DNAJC13: variants seen among roughly 807,000 people sequenced by gnomAD.
DNAJC13 encodes dnaJ homolog subfamily C member 13.
Under a neutral mutation model 290.5 loss-of-function variants are expected in DNAJC13, and 75 were observed. The ratio of observed to expected loss-of-function variants is 0.26; its 90% CI spans 0.21 to 0.31. The LOEUF is 0.31. DNAJC13 is among the 10% of genes least tolerant of loss of function. The pLI is 1.00. For synonymous variants in DNAJC13, 862 were observed against 892.0 expected (o/e 0.97, Z 0.60); for missense variants, 2,260 against 2,674.5 (o/e 0.85, Z 3.42).
At chr3:132,433,678 C>T (rs997044723) in intron 1 of DNAJC13, among the ~76,000 whole-genome samples, 1 of 152,206 alleles carries the variant, frequency 6.6e-6, no homozygotes, top group East Asian at 1.9e-4. Flanking sequence ...ACTTTTGGAA[C>T]TGGTTTGACT....
intron 51 of DNAJC13, 118 bp downstream of exon 51, chr3:132,523,831 T>A: frequency 2.0e-6 from 2 of 987,718 alleles, no homozygotes; most frequent in Non-Finnish European, 2.9e-6. Context: ...TCTTTCAATA[T>A]AGCAGCCACA....
intron 6 of DNAJC13, among the ~76,000 whole-genome samples, chr3:132,452,070 T>C (rs1056669014): frequency 6.6e-6 from 1 of 152,224 alleles, no homozygotes; most frequent in African/African-American, 2.4e-5. Context: ...ATTTGGAATG[T>C]TTAACATCTT....
chr3:132,462,650 T>G lies in DNAJC13; in HGVS notation c.1770+127T>G, dbSNP rs73215991. On this transcript the variant is annotated intron_variant, in intron 16 of 55. Coordinates refer to ENST00000260818, the MANE Select transcript of DNAJC13 (RefSeq NM_015268.4). Reference sequence around the variant, plus strand: ...TTTCTCTGGGTAAGAAAAGTAATTTTAAATCTTTATTATAAATTAGTTTTA... The same window carrying G: ...TTTCTCTGGGTAAGAAAAGTAATTTGAAATCTTTATTATAAATTAGTTTTA... 0.03 allele frequency: 17,599 copies of G among 593,862 alleles called. 637 individuals are homozygous for G. The highest frequency in any genetic ancestry group is 0.14 in the African/African-American group (7,100 of 51,826). The allele number at this position is 593,862 out of a possible 1,614,324, so 36.8% of individuals were successfully genotyped here. A position where few individuals can be genotyped will look rare whatever the true frequency, so the allele number is the denominator to read the frequency against.
intron 13 of DNAJC13, chr3:132,458,309 C>T (rs1325129323): frequency 1.3e-5 from 2 of 152,146 alleles, no homozygotes; most frequent in Admixed American, 6.5e-5. Context: ...CTTAGTCGTA[C>T]ATAAACATAA....
At position 132,509,819 on chromosome 3, in the gene DNAJC13, A is replaced by G. The variant is rs1446255140; in HGVS notation, c.5116-1248A>G. On this transcript the variant is annotated intron_variant, in intron 43 of 55. Transcript: ENST00000260818. ...TTAAGGTATGCACGTAGTTTTTTTT[A>G]GACATGATACTATTGTACACTTAAT... Among the ~76,000 whole-genome samples the G allele has an allele frequency of 2.4e-4, 37 of 152,200 alleles. 1 individual carries two copies. Among genetic ancestry groups the G allele is most frequent in the Non-Finnish European group, 2.9e-5 (2 of 68,024 alleles).
Position 132,494,202 on chromosome 3 carries a change from C to G in DNAJC13, c.3884C>G (p.Pro1295Arg), listed in dbSNP as rs1935157180. The change falls in exon 34 of 56, where the codon CCT becomes CGT. Residue 1295 changes from proline to arginine, a missense_variant. By Grantham distance (103) the Pro-to-Arg change is moderately radical. Transcript: ENST00000260818. ...AWKKEVEKKP[P>R]MMSIDDAYEV... Reference sequence around the variant, plus strand: ...AAGAAAGAAGTAGAAAAGAAGCCACCTATGATGTCAATAGATGATGCTTAT... The same window carrying G: ...AAGAAAGAAGTAGAAAAGAAGCCACGTATGATGTCAATAGATGATGCTTAT... 6.2e-6 allele frequency: 10 copies of G among 1,613,074 alleles called. No homozygotes were observed. Among genetic ancestry groups the G allele is most frequent in the Non-Finnish European group, 8.5e-6 (10 of 1,179,544 alleles).
In DNAJC13 at chr3:132,503,238, C is replaced by T. The variant is rs1478621186; in HGVS notation, c.4741C>T (p.Leu1581=). 1.9e-6 allele frequency: 3 copies of T among 1,613,890 alleles called. No individual in the cohort carries two copies. The South Asian group carries it at 3.3e-5, about 18-fold the overall frequency. The change falls in exon 41 of 56, where the codon CTG becomes TTG. Residue 1581 remains leucine (L), a synonymous_variant. Coordinates refer to ENST00000260818, the MANE Select transcript of DNAJC13 (RefSeq NM_015268.4). ...GGAGGTAGCAAACAGCCTTGCCAAA[C>T]TGAGTGTCCATGCTCTGAGTCGCCT... is the stretch of plus-strand genomic sequence containing the variant. The part of the protein sequence containing the change: ...QQEVANSLAK[L]SVHALSRLGG...
intron 1 of DNAJC13, among the ~76,000 whole-genome samples, chr3:132,426,507 T>C (rs564551038): frequency 2.0e-5 from 3 of 152,356 alleles, no homozygotes; most frequent in African/African-American, 4.8e-5. Context: ...ATACAGCTGC[T>C]ACCAAGATCT....
At chr3:132,435,880 G>A (rs1464459649) in intron 2 of DNAJC13, among the ~76,000 whole-genome samples, 1 of 152,126 alleles carries the variant, frequency 6.6e-6, no homozygotes, top group African/African-American at 2.4e-5. Context: ...TTGTGAGCTT[G>A]TAAGTAACTG....
Position 132,418,234 on chromosome 3 carries a change from G to A in DNAJC13, c.-14+474G>A, listed in dbSNP as rs1001010705. On this transcript the variant is annotated intron_variant, in intron 1 of 55. Transcript: ENST00000260818. ...TTTGTTTCGTTTTGTTAGGAAATGAGCATCCGCGTCGTCTGTTCTCCAGTA... is the reference window on the plus strand; with the variant it reads ...TTTGTTTCGTTTTGTTAGGAAATGAACATCCGCGTCGTCTGTTCTCCAGTA... Among the ~76,000 whole-genome samples the A allele has an allele frequency of 6.6e-5, 10 of 152,258 alleles. No homozygotes were observed. In the South Asian group the frequency reaches 1.5e-3, roughly 22 times the overall value.
At chr3:132,438,572 A>G (rs1272515241) in intron 2 of DNAJC13, among the ~76,000 whole-genome samples, 1 of 152,174 alleles carries the variant, frequency 6.6e-6, no homozygotes, top group Non-Finnish European at 1.5e-5. Context: ...TAGCCCCAGC[A>G]TTTCAGAAAG....
chr3:132,527,339 A>T (rs1029251966), intron 53 of DNAJC13, among the ~76,000 whole-genome samples: 5 of 152,222 alleles, frequency 3.3e-5, no homozygotes, highest in Admixed American at 2.0e-4. Context: ...GCCAGAATAC[A>T]AGGCCCTGCA....
chr3:132,461,183 G>A lies in DNAJC13; in HGVS notation c.1691G>A (p.Arg564Lys), dbSNP rs778470969. Reference sequence around the variant, plus strand: ...TTGGAGATGGTAGCATCCAATGGAAGAACCCTTTTTAAACTTTTTCAGGTG... The same window carrying A: ...TTGGAGATGGTAGCATCCAATGGAAAAACCCTTTTTAAACTTTTTCAGGTG... ...MLLEMVASNG[R>K]TLFKLFQHPS... The change falls in exon 15 of 56, where the codon AGA becomes AAA. Residue 564 changes from arginine (R) to lysine (K), a missense_variant. This residue lies in a region of DNAJC13 where 762 missense variants were observed against 964.1 expected (regional missense o/e 0.79). Transcript: ENST00000260818. The A allele has an allele frequency of 2.5e-6, 4 of 1,614,020 alleles. No individual in the cohort carries two copies. Among genetic ancestry groups the A allele is most frequent in the Non-Finnish European group, 1.7e-6 (2 of 1,179,936 alleles).
At position 132,496,559 on chromosome 3, in the gene DNAJC13, A is replaced by C. The variant is rs1935239544; in HGVS notation, c.4052A>C (p.Glu1351Ala). The C allele has an allele frequency of 1.2e-6, 2 of 1,604,380 alleles. No individual in the cohort carries two copies. Among genetic ancestry groups the C allele is most frequent in the African/African-American group, 2.7e-5 (2 of 74,602 alleles). Reference sequence around the variant, plus strand: ...TTTGAAAAAGTAAATAAAGCATATGAATTTTTATGTACCAAATCAGCAAAA... The same window carrying C: ...TTTGAAAAAGTAAATAAAGCATATGCATTTTTATGTACCAAATCAGCAAAA... ...DMFEKVNKAY[E>A]FLCTKSAKIV... Residue 1351 changes from glutamate to alanine, a missense_variant, in exon 36 of 56, where the codon GAA becomes GCA. Physicochemically the swap from Glu to Ala is moderately radical, Grantham distance 107. This residue lies in a region of DNAJC13 where 1,494 missense variants were observed against 1,693.7 expected (regional missense o/e 0.88). Transcript: ENST00000260818.
intron 2 of DNAJC13, among the ~76,000 whole-genome samples, chr3:132,440,119 TG>T (rs1256375705): frequency 1.3e-5 from 2 of 152,120 alleles, no homozygotes; most frequent in African/African-American, 4.8e-5. Context: ...TTATCTGGTG[TG>T]GTGGCGCAGG....
intron 33 of DNAJC13, among the ~76,000 whole-genome samples, chr3:132,493,101 G>A (rs1368666310): frequency 6.6e-6 from 1 of 152,114 alleles, no homozygotes; most frequent in Admixed American, 6.6e-5. Context: ...CTATCTGGTG[G>A]TGTTTATGAA....
At chr3:132,520,319 C>CT (rs1936052650) in intron 48 of DNAJC13, among the ~76,000 whole-genome samples, 1 of 152,096 alleles carries the variant, frequency 6.6e-6, no homozygotes, top group Admixed American at 6.6e-5. Flanking sequence ...GATGTGACCC[C>CT]TTTTTTGCCA....
intron 55 of DNAJC13, among the ~76,000 whole-genome samples, chr3:132,537,608 C>A (rs1936636741): frequency 6.6e-6 from 1 of 152,244 alleles, no homozygotes; most frequent in South Asian, 2.1e-4. Context: ...TATCAGTACC[C>A]TTTCACATAG....
chr3:132,453,209 T>C, intron 6 of DNAJC13, 89 bp from the exon 7 acceptor site: 1 of 1,205,794 alleles, frequency 8.3e-7, no homozygotes. Flanking sequence ...CTAGAATTGC[T>C]ACTTTAATAC....
Sources: gnomAD v4.1 joint callset for allele counts (sites outside exome capture counted in the v4.1 genomes callset) on GRCh38, gnomAD v4.1.1 for gene constraint, gnomAD v4.1.1 regional missense constraint, MANE v1.5 for transcripts, NCBI Gene and HGNC (gene_info 2026-07-23, HGNC 2026-07-21) for gene names.